Variants in CATSPER3 observed in about 807,000 individuals in gnomAD.
The protein encoded by CATSPER3 is cation channel sperm associated 3.
A neutral mutation model predicts 36.6 loss-of-function variants in CATSPER3; 23 were observed. The ratio of observed to expected loss-of-function variants is 0.63; its 90% confidence interval spans 0.45 to 0.89. The LOEUF is 0.89. Ranked by LOEUF, CATSPER3 falls within the 40% of genes least tolerant of loss-of-function variation. CATSPER3 has a pLI of 0.00. For synonymous variants in CATSPER3, 172 were observed against 184.1 expected (o/e 0.93, Z 0.53); for missense variants, 474 against 503.9 (o/e 0.94, Z 0.57).
chr5:134,971,074 C>T (rs1319007993), intron 2 of CATSPER3, among the ~76,000 whole-genome samples: 3 of 151,688 alleles, frequency 2.0e-5, no homozygotes, highest in Non-Finnish European at 4.4e-5. Context: ...CTCAGCCTCC[C>T]GAGTAGCTGG....
chr5:134,979,371 A>C (rs946240029), intron 2 of CATSPER3, among the ~76,000 whole-genome samples: 3 of 152,116 alleles, frequency 2.0e-5, no homozygotes, highest in Middle Eastern at 3.2e-3. Context: ...TCCTGGGCTC[A>C]AGTGATCCAC....
chr5:134,997,850 AGTT>A (rs1361989906), intron 3 of CATSPER3, among the ~76,000 whole-genome samples: 3 of 152,016 alleles, frequency 2.0e-5, no homozygotes, highest in Non-Finnish European at 4.4e-5. Context: ...TCTAAACTGA[AGTT>A]GTCACTCACC....
In CATSPER3 at chr5:135,008,865, A is replaced by C. The variant is rs1327509253; in HGVS notation, c.700A>C (p.Lys234Gln). Residue 234 changes from lysine (K) to glutamine (Q), a missense_variant, in exon 5 of 8, where the codon AAG (lysine) becomes CAG (glutamine). Lys to Gln is a moderately conservative substitution (Grantham distance 53, BLOSUM62 1). Coordinates refer to ENST00000282611, the MANE Select transcript of CATSPER3 (RefSeq NM_178019.3). ...ATVDGWTDLQ[K>Q]QLDNREFALS... ...GGTTGATGGCTGGACAGACCTGCAGAAGCAGTTGGACAATCGGGAATTTGC... is the reference window on the plus strand; with the variant it reads ...GGTTGATGGCTGGACAGACCTGCAGCAGCAGTTGGACAATCGGGAATTTGC... 6.2e-7 allele frequency: 1 copy of C among 1,614,150 alleles called. No individual in the cohort carries two copies.
rs1752178271 is a variant in CATSPER3, at chr5:135,011,436, G to T, written c.1095-85G>T. ...CTTCTTTGACCCTACACCTGTGCAGGTGCAAACGTGTGGTCAGTGGGGCCA... is the reference window on the plus strand; with the variant it reads ...CTTCTTTGACCCTACACCTGTGCAGTTGCAAACGTGTGGTCAGTGGGGCCA... On this transcript the variant is annotated intron_variant, in intron 7 of 7. Coordinates refer to ENST00000282611, the MANE Select transcript of CATSPER3 (RefSeq NM_178019.3). 4 of 898,162 alleles carry T rather than the reference G, an allele frequency of 4.5e-6. No homozygotes were observed. In the Admixed American group the frequency reaches 5.9e-5, roughly 13 times the overall value. The allele number at this position is 898,162 out of a possible 1,614,324, so 55.6% of individuals were successfully genotyped here.
intron 2 of CATSPER3, among the ~76,000 whole-genome samples, chr5:134,979,164 T>C (rs894139132): frequency 6.6e-6 from 1 of 152,140 alleles, no homozygotes; most frequent in African/African-American, 2.4e-5. Flanking sequence ...TGAGATGGGG[T>C]CTTGCTCTGT....
intron 3 of CATSPER3, among the ~76,000 whole-genome samples, chr5:135,001,846 C>T (rs1752023488): frequency 6.6e-6 from 1 of 152,180 alleles, no homozygotes; most frequent in South Asian, 2.1e-4. Flanking sequence ...TATTTTGAGC[C>T]TATGTGTGTC....
chr5:134,996,002 C>T (rs974386025), intron 2 of CATSPER3: 95 of 532,104 alleles, frequency 1.8e-4, no homozygotes, highest in Admixed American at 9.9e-4. Context: ...TATGCTAGAG[C>T]TTATACAGTC....
intron 1 of CATSPER3, chr5:134,969,466 TTGTG>T (rs1037343140): frequency 1.9e-4 from 33 of 171,978 alleles, no homozygotes; most frequent in Admixed American, 1.8e-3. Context: ...CATGAATAGA[TTGTG>T]TGCCCATTTT....
intron 3 of CATSPER3, among the ~76,000 whole-genome samples, chr5:135,007,394 G>C (rs184634284): frequency 6.6e-6 from 1 of 152,358 alleles, no homozygotes; most frequent in East Asian, 1.9e-4. Context: ...GTGCTCCCCA[G>C]AAATGGGCAA....
At chr5:134,990,847 T>A (rs941617842) in intron 2 of CATSPER3, among the ~76,000 whole-genome samples, 6 of 152,124 alleles carry the variant, frequency 3.9e-5, no homozygotes, top group African/African-American at 1.4e-4. Flanking sequence ...ATATAGGAAA[T>A]CCTAAAAGAA....
intron 3 of CATSPER3, among the ~76,000 whole-genome samples, chr5:134,997,664 C>G (rs1399971232): frequency 1.3e-5 from 2 of 152,146 alleles, no homozygotes; most frequent in African/African-American, 4.8e-5. Flanking sequence ...TTGCCTGGCT[C>G]ATACACGCTG....
chr5:135,001,713 GT>G, intron 3 of CATSPER3, among the ~76,000 whole-genome samples: 1 of 152,262 alleles, frequency 6.6e-6, no homozygotes, highest in African/African-American at 2.4e-5. Context: ...TTACCATTAT[GT>G]AATGGCCTTC....
intron 2 of CATSPER3, among the ~76,000 whole-genome samples, chr5:134,987,244 T>G (rs528376206): frequency 9.9e-5 from 15 of 152,160 alleles, no homozygotes; most frequent in African/African-American, 3.1e-4. Flanking sequence ...TGCCAACAAG[T>G]TAAATAATCT....
At chr5:134,986,146 CTTT>C (rs35542434) in intron 2 of CATSPER3, among the ~76,000 whole-genome samples, 6 of 146,222 alleles carry the variant, frequency 4.1e-5, no homozygotes, top group Non-Finnish European at 7.5e-5. Flanking sequence ...ACAGCATACT[CTTT>C]TTTTTTTTTT....
At chr5:134,976,243 G>C (rs1199031174) in intron 2 of CATSPER3, among the ~76,000 whole-genome samples, 4 of 152,156 alleles carry the variant, frequency 2.6e-5, no homozygotes, top group Non-Finnish European at 4.4e-5. Flanking sequence ...ATGCTTGGGA[G>C]GATTGCTTGA....
intron 3 of CATSPER3, among the ~76,000 whole-genome samples, chr5:135,000,314 C>T (rs1374688155): frequency 2.6e-5 from 4 of 151,872 alleles, no homozygotes; most frequent in South Asian, 2.1e-4. Context: ...CTGCTGGATT[C>T]GGTTTGCCAG....
At chr5:134,999,807 G>C (rs922825655) in intron 3 of CATSPER3, among the ~76,000 whole-genome samples, 1 of 152,130 alleles carries the variant, frequency 6.6e-6, no homozygotes, top group African/African-American at 2.4e-5. Context: ...GGAGATTTTG[G>C]GCTGAGACGA....
At chr5:134,991,698 A>G (rs1019313247) in intron 2 of CATSPER3, among the ~76,000 whole-genome samples, 3 of 152,260 alleles carry the variant, frequency 2.0e-5, no homozygotes, top group African/African-American at 7.2e-5. Context: ...AGAAGAAAAC[A>G]TAGGGGTAAA....
At chr5:134,978,790 G>T (rs951022831) in intron 2 of CATSPER3, among the ~76,000 whole-genome samples, 2 of 151,692 alleles carry the variant, frequency 1.3e-5, no homozygotes, top group Non-Finnish European at 2.9e-5. Flanking sequence ...GGCCATCTTG[G>T]CTCACTGCAA....
Sources: allele counts gnomAD v4.1 joint callset (sites outside exome capture counted in the v4.1 genomes callset), GRCh38; gene constraint gnomAD v4.1.1; transcripts MANE v1.5; gene names NCBI Gene and HGNC (gene_info 2026-07-23, HGNC 2026-07-21).